Variants in SLC2A13 observed in about 807,000 individuals in gnomAD.
SLC2A13 encodes solute carrier family 2 member 13.
A neutral mutation model predicts 64.4 loss-of-function variants in SLC2A13; 32 were observed. The observed-to-expected ratio is 0.50, with a 90% CI of 0.37 to 0.67. The LOEUF (loss-of-function observed/expected upper bound fraction) is 0.67, where lower values mean the gene tolerates loss of function less well. Among genes scored for constraint, SLC2A13 ranks in the 30% least tolerant of loss-of-function variants. SLC2A13 has a pLI of 0.00. For missense variants in SLC2A13, 743 were observed against 829.2 expected, an observed-to-expected ratio of 0.90 and a Z score of 1.28; for synonymous variants, 338 against 327.1, an observed-to-expected ratio of 1.03 and a Z score of -0.36.
At chr12:40,060,714 T>C (rs1052051148) in intron 1 of SLC2A13, among the ~76,000 whole-genome samples, 6 of 152,150 alleles carry the variant, frequency 3.9e-5, no homozygotes, top group African/African-American at 1.4e-4. Context: ...AAAAAGTATC[T>C]TTCAAGAACA....
chr12:39,979,077 T>C (rs371714628), intron 3 of SLC2A13, among the ~76,000 whole-genome samples: 110 of 151,816 alleles, frequency 7.2e-4, no homozygotes, highest in African/African-American at 2.0e-3. Context: ...ACACCTCACA[T>C]GGCAGGGTAT....
chr12:39,878,482 T>C (rs1944251869), intron 4 of SLC2A13, among the ~76,000 whole-genome samples: 1 of 152,222 alleles, frequency 6.6e-6, no homozygotes, highest in African/African-American at 2.4e-5. Flanking sequence ...ATGTGTATTA[T>C]GCCTTAGCAA....
chr12:40,093,325 C>A (rs1938828282), intron 1 of SLC2A13, among the ~76,000 whole-genome samples: 1 of 152,214 alleles, frequency 6.6e-6, no homozygotes, highest in African/African-American at 2.4e-5. Context: ...GATCCAATCT[C>A]AGCTCAAAAT....
rs11446411 is a variant in SLC2A13 at position 39,951,383 on chromosome 12, G to GA, written c.926-19dup. The GA allele has an allele frequency of 0.49, 673,455 of 1,360,866 alleles. 126,353 individuals carry two copies. The highest frequency in any genetic ancestry group is 0.56 in the East Asian group (21,819 of 38,656). The allele number at this position is 1,360,866 out of a possible 1,614,324, so 84.3% of individuals were successfully genotyped here. A position where few individuals can be genotyped will look rare whatever the true frequency, so the allele number is the denominator to read the frequency against. ...AGGTCCAGCTTTTTTAAGAAAGAAAGAAAAAAAAAATACAACTATTATTTT... is the reference window on the plus strand; with the variant it reads ...AGGTCCAGCTTTTTTAAGAAAGAAAGAAAAAAAAAAATACAACTATTATTTT... On this transcript the variant is annotated intron_variant, in intron 3 of 9. Coordinates refer to ENST00000280871, the MANE Select transcript of SLC2A13 (RefSeq NM_052885.4).
chr12:40,102,191 C>T (rs906609524), intron 1 of SLC2A13, among the ~76,000 whole-genome samples: 1 of 152,222 alleles, frequency 6.6e-6, no homozygotes, highest in African/African-American at 2.4e-5. Flanking sequence ...TATCTTTCTA[C>T]TCCATTATAA....
At chr12:40,062,734 T>C (rs17489351) in intron 1 of SLC2A13, among the ~76,000 whole-genome samples, 2,171 of 152,204 alleles carry the variant, frequency 0.014, 56 homozygotes, top group African/African-American at 0.05. Context: ...AAATTAAAGT[T>C]GTAGGAGAAA....
intron 6 of SLC2A13, among the ~76,000 whole-genome samples, chr12:39,861,871 T>A (rs1266772867): frequency 6.6e-6 from 1 of 152,326 alleles, no homozygotes; most frequent in Admixed American, 6.5e-5. Context: ...AGGTGTTTTT[T>A]TTTAAATTTA....
intron 7 of SLC2A13, among the ~76,000 whole-genome samples, chr12:39,766,432 G>T (rs1295808750): frequency 6.6e-6 from 1 of 152,042 alleles, no homozygotes; most frequent in Non-Finnish European, 1.5e-5. Context: ...ACGATCATCT[G>T]CACCTTTCAC....
intron 3 of SLC2A13, among the ~76,000 whole-genome samples, chr12:39,968,747 T>TCG: frequency 1.6e-5 from 1 of 64,176 alleles, no homozygotes; most frequent in South Asian, 5.2e-4. Context: ...TTTATTTTTG[T>TCG]TGTTTTTTTT....
intron 4 of SLC2A13, among the ~76,000 whole-genome samples, chr12:39,897,618 A>G (rs917727572): frequency 6.6e-6 from 1 of 152,214 alleles, no homozygotes; most frequent in Non-Finnish European, 1.5e-5. Flanking sequence ...GCTCTTGAGC[A>G]CTAGAAATAT....
intron 7 of SLC2A13, among the ~76,000 whole-genome samples, chr12:39,781,454 G>A (rs538958091): frequency 6.6e-6 from 1 of 152,310 alleles, no homozygotes; most frequent in East Asian, 1.9e-4. Flanking sequence ...CTATGCCCCA[G>A]GGGCTAGTAC....
intron 6 of SLC2A13, among the ~76,000 whole-genome samples, chr12:39,847,837 T>C (rs1943359320): frequency 6.6e-6 from 1 of 152,292 alleles, no homozygotes; most frequent in East Asian, 1.9e-4. Context: ...TATTTTTGAA[T>C]ATATTCTGAA....
At chr12:39,780,839 G>T (rs1041387954) in intron 7 of SLC2A13, among the ~76,000 whole-genome samples, 3 of 152,012 alleles carry the variant, frequency 2.0e-5, no homozygotes, top group Non-Finnish European at 4.4e-5. Context: ...GGAACTAAAA[G>T]AAATTTTTTA....
chr12:39,835,378 A>C lies in SLC2A13; in HGVS notation c.1320-5150T>G, dbSNP rs568408825. Reference sequence around the variant, plus strand: ...TATTAGAATGCTGCAACTTCTCACAAACATTTACTCTTACATACTAATTTC... The same window carrying C: ...TATTAGAATGCTGCAACTTCTCACACACATTTACTCTTACATACTAATTTC... On this transcript the variant is annotated intron_variant, in intron 6 of 9. Transcript: ENST00000280871. Among the ~76,000 whole-genome samples the C allele has an allele frequency of 4.3e-4, 66 of 152,230 alleles. No individual in the cohort carries two copies. The Middle Eastern group carries it at 0.014, about 31-fold the overall frequency.
At chr12:39,784,631 A>C (rs1566785765) in intron 7 of SLC2A13, among the ~76,000 whole-genome samples, 1 of 152,190 alleles carries the variant, frequency 6.6e-6, no homozygotes, top group Non-Finnish European at 1.5e-5. Flanking sequence ...CCTAGAAGAA[A>C]ATCTAGGCAA....
chr12:39,892,460 A>G (rs1944638782), intron 4 of SLC2A13, among the ~76,000 whole-genome samples: 2 of 152,196 alleles, frequency 1.3e-5, no homozygotes, highest in South Asian at 4.1e-4. Context: ...TTATGATTTT[A>G]TCATTGTGAC....
intron 6 of SLC2A13, chr12:39,835,551 A>T (rs1942982884): frequency 6.6e-6 from 1 of 152,156 alleles, no homozygotes; most frequent in Non-Finnish European, 1.5e-5. Context: ...ATTGATACAC[A>T]GTTTAAATTT....
At chr12:39,946,344 C>A (rs1946132823) in intron 4 of SLC2A13, among the ~76,000 whole-genome samples, 1 of 152,178 alleles carries the variant, frequency 6.6e-6, no homozygotes, top group South Asian at 2.1e-4. Context: ...TGGCTTCCTG[C>A]CATTAGGTGG....
intron 1 of SLC2A13, among the ~76,000 whole-genome samples, chr12:40,076,760 C>T (rs1443835363): frequency 6.6e-6 from 1 of 152,170 alleles, no homozygotes; most frequent in Non-Finnish European, 1.5e-5. Context: ...ATTTACATTA[C>T]CACCACCAGC....
Sources: gnomAD v4.1 joint callset for allele counts (sites outside exome capture counted in the v4.1 genomes callset) on GRCh38, gnomAD v4.1.1 for gene constraint, MANE v1.5 for transcripts, NCBI Gene and HGNC (gene_info 2026-07-23, HGNC 2026-07-21) for gene names.